Variants in OXR1 observed in about 807,000 individuals in gnomAD.
OXR1 encodes the protein oxidation resistance protein 1.
Under a neutral mutation model 104.6 loss-of-function variants are expected in OXR1, and 41 were observed. The ratio of observed to expected loss-of-function variants is 0.39; its 90% confidence interval spans 0.31 to 0.51. The LOEUF (loss-of-function observed/expected upper bound fraction) is 0.51. OXR1 is among the 20% of genes least tolerant of loss of function. The probability of loss-of-function intolerance (pLI) is 0.77; values close to 1 mark genes in which losing one functional copy is unlikely to be tolerated. For synonymous variants in OXR1, 348 were observed against 348.4 expected, an observed-to-expected ratio of 1.00 and a Z score of 0.01; for missense variants, 955 against 1,031.9, an observed-to-expected ratio of 0.93 and a Z score of 1.02.
chr8:106,307,552 T>C (rs1813515284), intron 1 of OXR1, among the ~76,000 whole-genome samples: 1 of 151,976 alleles, frequency 6.6e-6, no homozygotes, highest in African/African-American at 2.4e-5. Context: ...GCCTAAGGGA[T>C]TTTTTTGTCC....
intron 2 of OXR1, among the ~76,000 whole-genome samples, chr8:106,408,178 G>A (rs569526082): frequency 1.3e-5 from 2 of 152,206 alleles, no homozygotes; most frequent in South Asian, 4.1e-4. Context: ...TATAGTTATT[G>A]TTTTAGATAC....
chr8:106,639,445 C>A (rs554535278), intron 3 of OXR1, among the ~76,000 whole-genome samples: 9 of 152,204 alleles, frequency 5.9e-5, no homozygotes, highest in African/African-American at 2.2e-4. Flanking sequence ...GAGACATATA[C>A]CCAGCTCTTC....
intron 2 of OXR1, among the ~76,000 whole-genome samples, chr8:106,399,082 A>T (rs966094784): frequency 6.6e-6 from 1 of 152,116 alleles, no homozygotes; most frequent in Non-Finnish European, 1.5e-5. Flanking sequence ...CCAAAAGGCC[A>T]CTTGAAAATA....
At chr8:106,364,134 A>G (rs1196079301) in intron 2 of OXR1, among the ~76,000 whole-genome samples, 1 of 152,200 alleles carries the variant, frequency 6.6e-6, no homozygotes, top group Non-Finnish European at 1.5e-5. Context: ...TAAGTTGGGT[A>G]AGTTATTAAT....
intron 2 of OXR1, among the ~76,000 whole-genome samples, chr8:106,455,677 C>G (rs895793382): frequency 6.6e-6 from 1 of 152,150 alleles, no homozygotes; most frequent in Non-Finnish European, 1.5e-5. Flanking sequence ...CAATCAGTCA[C>G]CTGGCATACT....
chr8:106,388,529 T>C (rs568166648), intron 2 of OXR1, among the ~76,000 whole-genome samples: 1 of 152,208 alleles, frequency 6.6e-6, no homozygotes, highest in South Asian at 2.1e-4. Context: ...TTCAAGCGAT[T>C]CTCCTGCCTC....
At chr8:106,380,143 A>G (rs1014804073) in intron 2 of OXR1, among the ~76,000 whole-genome samples, 4 of 151,750 alleles carry the variant, frequency 2.6e-5, no homozygotes, top group Non-Finnish European at 5.9e-5. Flanking sequence ...GTCCTAAACA[A>G]CTACTAATTT....
chr8:106,620,512 A>G (rs1821615356), intron 3 of OXR1, among the ~76,000 whole-genome samples: 1 of 152,102 alleles, frequency 6.6e-6, no homozygotes, highest in Admixed American at 6.5e-5. Flanking sequence ...TCTCCTCACT[A>G]CATTCTTCCA....
At chr8:106,564,524 A>T (rs1240524834) in intron 3 of OXR1, among the ~76,000 whole-genome samples, 1 of 152,204 alleles carries the variant, frequency 6.6e-6, no homozygotes, top group Non-Finnish European at 1.5e-5. Flanking sequence ...CTGGGACCAG[A>T]CAGATTCACA....
chr8:106,457,824 T>C (rs1007592559), intron 2 of OXR1, among the ~76,000 whole-genome samples: 2 of 152,162 alleles, frequency 1.3e-5, no homozygotes, highest in Admixed American at 1.3e-4. Flanking sequence ...GTTGGCTGAA[T>C]TGTGTCCGTG....
At chr8:106,296,188 C>T (rs1292123440) in intron 1 of OXR1, among the ~76,000 whole-genome samples, 3 of 152,078 alleles carry the variant, frequency 2.0e-5, no homozygotes, top group African/African-American at 7.2e-5. Flanking sequence ...CACTGTACTC[C>T]CAGTCCCTTC....
At chr8:106,602,742 T>G (rs1256189247) in intron 3 of OXR1, among the ~76,000 whole-genome samples, 1 of 152,218 alleles carries the variant, frequency 6.6e-6, no homozygotes, top group Non-Finnish European at 1.5e-5. Flanking sequence ...TTATAAAAAT[T>G]ATGATAGTAC....
chr8:106,655,959 A>C (rs1207265153), intron 3 of OXR1, among the ~76,000 whole-genome samples: 1 of 152,260 alleles, frequency 6.6e-6, no homozygotes, highest in South Asian at 2.1e-4. Context: ...GTAAAAGTGC[A>C]GATCTAATCA....
intron 2 of OXR1, among the ~76,000 whole-genome samples, chr8:106,407,094 G>C (rs1818273478): frequency 6.6e-6 from 1 of 152,088 alleles, no homozygotes; most frequent in Admixed American, 6.6e-5. Flanking sequence ...AAAGTATCTG[G>C]ACTATGGATT....
intron 16 of OXR1, 37 bp downstream of exon 16, chr8:106,745,899 A>G: frequency 8.7e-7 from 1 of 1,144,508 alleles, no homozygotes. Flanking sequence ...AGATTTTTGA[A>G]GAACTTTAAA....
At chr8:106,322,103 G>A (rs9297381) in intron 1 of OXR1, among the ~76,000 whole-genome samples, 51,661 of 151,974 alleles carry the variant, frequency 0.34, 11,312 homozygotes, top group African/African-American at 0.63. Flanking sequence ...TTTGTTTTGC[G>A]TATTGAGTTT....
chr8:106,579,853 G>T (rs745513294), intron 3 of OXR1, among the ~76,000 whole-genome samples: 2 of 151,790 alleles, frequency 1.3e-5, no homozygotes, highest in Non-Finnish European at 2.9e-5. Flanking sequence ...TTGGTTTCAA[G>T]TCCAAAAAGT....
intron 3 of OXR1, among the ~76,000 whole-genome samples, chr8:106,678,690 T>G (rs1473820046): frequency 2.0e-5 from 3 of 152,040 alleles, no homozygotes; most frequent in African/African-American, 7.2e-5. Context: ...TATGTTTCTA[T>G]ATGAAAGCAC....
At chr8:106,571,871 C>T (rs927263771) in intron 3 of OXR1, among the ~76,000 whole-genome samples, 1 of 152,104 alleles carries the variant, frequency 6.6e-6, no homozygotes, top group African/African-American at 2.4e-5. Context: ...ATGATGGGTC[C>T]CAAGCAAGTC....
Sources: gnomAD v4.1 joint callset for allele counts (sites outside exome capture counted in the v4.1 genomes callset) on GRCh38, gnomAD v4.1.1 for gene constraint, MANE v1.5 for transcripts, NCBI Gene and HGNC (gene_info 2026-07-23, HGNC 2026-07-21) for gene names.